JADE2: variants seen among roughly 807,000 people sequenced by gnomAD.
The protein encoded by JADE2 is jade family PHD finger 2.
In JADE2, 13 loss-of-function variants were observed where a neutral mutation model predicts 85.7. That is an observed-to-expected ratio of 0.15 (90% confidence interval 0.10 to 0.24). The LOEUF (loss-of-function observed/expected upper bound fraction) is 0.24, where lower values mean the gene tolerates loss of function less well. JADE2 is among the 10% of genes least tolerant of loss of function. JADE2 has a pLI of 1.00. For synonymous variants in JADE2, 440 were observed against 456.1 expected (o/e 0.96, Z 0.45); for missense variants, 846 against 1,115.9 (o/e 0.76, Z 3.45).
intron 3 of JADE2, among the ~76,000 whole-genome samples, chr5:134,540,743 T>TC (rs987119490): frequency 2.6e-5 from 4 of 152,100 alleles, no homozygotes; most frequent in Non-Finnish European, 5.9e-5. Flanking sequence ...TTTGGGGAGT[T>TC]CCTAGGGTTG....
At chr5:134,553,511 G>A (rs1232043901) in intron 4 of JADE2, among the ~76,000 whole-genome samples, 1 of 152,040 alleles carries the variant, frequency 6.6e-6, no homozygotes, top group African/African-American at 2.4e-5. Context: ...GTGCCACCAC[G>A]CCTGGCTAAT....
intron 3 of JADE2, among the ~76,000 whole-genome samples, chr5:134,543,674 C>T (rs55680640): frequency 0.15 from 22,821 of 152,012 alleles, 1,878 homozygotes; most frequent in Non-Finnish European, 0.19. Context: ...AAGACTCTGT[C>T]TCAAAAACAA....
Position 134,562,377 on chromosome 5 carries a change from C to T in JADE2, c.852+10C>T, listed in dbSNP as rs1195500510. The T allele has an allele frequency of 1.9e-6, 3 of 1,602,132 alleles. No individual in the cohort carries two copies. The highest frequency in any genetic ancestry group is 2.6e-6 in the Non-Finnish European group (3 of 1,171,608). On this transcript the variant is annotated intron_variant, in intron 7 of 11. Coordinates refer to ENST00000681547, the MANE Select transcript of JADE2 (RefSeq NM_001388185.1). The surrounding 1 kb of genome is among the most constrained non-coding windows in gnomAD (Gnocchi z 4.6). ...CCTATGGATTCCTGAGGTGGGTGAGCGTGGAGGTGAGGCAGCCCAAGGAAT... is the reference window on the plus strand; with the variant it reads ...CCTATGGATTCCTGAGGTGGGTGAGTGTGGAGGTGAGGCAGCCCAAGGAAT...
intron 11 of JADE2, among the ~76,000 whole-genome samples, chr5:134,577,931 G>A (rs959134564): frequency 6.6e-6 from 1 of 152,112 alleles, no homozygotes; most frequent in Non-Finnish European, 1.5e-5. Context: ...TGCTGCAAGC[G>A]CTGGGAGGCA....
intron 3 of JADE2, among the ~76,000 whole-genome samples, chr5:134,551,543 T>TA (rs1236255081): frequency 9.3e-5 from 14 of 150,960 alleles, no homozygotes; most frequent in African/African-American, 3.4e-4. Flanking sequence ...TTTTTTTTTT[T>TA]AATTTTTTAA....
At chr5:134,526,116 C>T in intron 1 of JADE2, 105 bp downstream of exon 1, 1 of 984,966 alleles carries the variant, frequency 1.0e-6, no homozygotes, top group South Asian at 4.7e-5. Flanking sequence ...CTCTCTCTTG[C>T]TCGCTCGCTC....
At chr5:134,571,083 GC>G (rs926496514) in intron 9 of JADE2, among the ~76,000 whole-genome samples, 1 of 152,194 alleles carries the variant, frequency 6.6e-6, no homozygotes, top group Non-Finnish European at 1.5e-5. Flanking sequence ...GTCTCTCCGT[GC>G]CTCCCAGCTT....
At chr5:134,542,266 C>T (rs937959173) in intron 3 of JADE2, among the ~76,000 whole-genome samples, 4 of 152,130 alleles carry the variant, frequency 2.6e-5, no homozygotes, top group Admixed American at 2.6e-4. Flanking sequence ...GAGTTTCTGG[C>T]CTTGCCTGGC....
chr5:134,526,137 C>T (rs1204245753), intron 1 of JADE2, 126 bp downstream of exon 1: 2 of 985,412 alleles, frequency 2.0e-6, no homozygotes, highest in Non-Finnish European at 1.2e-6. Context: ...CCTCTCTCTC[C>T]TGCTGGCTGC....
chr5:134,577,970 C>T (rs556753338), intron 11 of JADE2, among the ~76,000 whole-genome samples: 3 of 152,300 alleles, frequency 2.0e-5, no homozygotes, highest in African/African-American at 4.8e-5. Flanking sequence ...CGCCCTCTGG[C>T]GGCCTGAGGG....
At chr5:134,535,458 C>T (rs1180335542) in intron 1 of JADE2, among the ~76,000 whole-genome samples, 1 of 152,180 alleles carries the variant, frequency 6.6e-6, no homozygotes, top group Non-Finnish European at 1.5e-5. Flanking sequence ...GTCCTCTACC[C>T]ACCTACCTCC....
At chr5:134,553,258 A>G (rs1029148367) in intron 4 of JADE2, among the ~76,000 whole-genome samples, 4 of 151,936 alleles carry the variant, frequency 2.6e-5, no homozygotes, top group Non-Finnish European at 5.9e-5. Flanking sequence ...GGCATGAGCC[A>G]CCATGCCCAG....
In JADE2 at chr5:134,559,962, G is replaced by A. The variant is rs1334943817; in HGVS notation, c.444G>A (p.Glu148=). The A allele has an allele frequency of 1.2e-6, 2 of 1,614,134 alleles. No individual in the cohort carries two copies. The highest frequency in any genetic ancestry group is 4.5e-5 in the East Asian group (2 of 44,872). The change falls in exon 5 of 12, where the codon GAG becomes GAA. Residue 148 remains glutamate (E), a synonymous_variant. Coordinates refer to ENST00000681547, the MANE Select transcript of JADE2 (RefSeq NM_001388185.1). ...ACGAGATTGATGCCTACTGGCTGGA[G>A]CTCATCAACTCGGAGCTTAAGGAGA... ...DLDEIDAYWL[E]LINSELKEME...
At chr5:134,576,997 G>A (rs1279781687) in intron 11 of JADE2, 101 bp downstream of exon 11, 2 of 1,371,042 alleles carry the variant, frequency 1.5e-6, no homozygotes, top group Non-Finnish European at 1.9e-6. Context: ...CAGAGTAGGA[G>A]ACTGAGGCTC....
intron 4 of JADE2, among the ~76,000 whole-genome samples, chr5:134,558,982 G>T (rs1176613584): frequency 2.6e-5 from 4 of 152,212 alleles, no homozygotes. Context: ...AGCTGCCTCA[G>T]CGGCAGAGCT....
At chr5:134,549,045 A>T (rs1350543110) in intron 3 of JADE2, among the ~76,000 whole-genome samples, 1 of 152,252 alleles carries the variant, frequency 6.6e-6, no homozygotes, top group Non-Finnish European at 1.5e-5. Context: ...TATAGCCGAC[A>T]GCAGGACAAG....
intron 6 of JADE2, 103 bp downstream of exon 6, chr5:134,561,060 TAAG>T (rs747982539): frequency 4.1e-4 from 369 of 907,062 alleles, no homozygotes; most frequent in Non-Finnish European, 5.7e-4. Context: ...CAGAAGCCCT[TAAG>T]AAGGAGGAGG....
intron 4 of JADE2, among the ~76,000 whole-genome samples, chr5:134,553,439 C>T (rs1762722305): frequency 1.3e-5 from 2 of 150,844 alleles, no homozygotes; most frequent in South Asian, 4.2e-4. Flanking sequence ...CTGCAACCTC[C>T]GCCTCCCGGG....
chr5:134,557,260 AT>A (rs1322760167), intron 4 of JADE2, among the ~76,000 whole-genome samples: 5 of 27,708 alleles, frequency 1.8e-4, no homozygotes, highest in East Asian at 6.8e-4. Context: ...TCAAGCTTTT[AT>A]TTTTTTATTT....
Sources: gnomAD v4.1 joint callset for allele counts (sites outside exome capture counted in the v4.1 genomes callset) on GRCh38, gnomAD v4.1.1 for gene constraint, Gnocchi (gnomAD v3.1) non-coding constraint, MANE v1.5 for transcripts, NCBI Gene and HGNC (gene_info 2026-07-23, HGNC 2026-07-21) for gene names.